The following TENM2 variants were observed in gnomAD, a reference collection of about 807,000 sequenced individuals.
TENM2 encodes the protein teneurin-2.
In TENM2, 52 loss-of-function variants were observed where a neutral mutation model predicts 245.2. The ratio of observed to expected loss-of-function variants is 0.21; its 90% CI spans 0.17 to 0.27. The LOEUF (loss-of-function observed/expected upper bound fraction) is 0.27, where lower values mean the gene tolerates loss of function less well. Among genes scored for constraint, TENM2 ranks in the 10% least tolerant of loss-of-function variants. The probability of loss-of-function intolerance (pLI) is 1.00; values close to 1 mark genes in which losing one functional copy is unlikely to be tolerated. For missense variants in TENM2, 3,046 were observed against 3,666.8 expected (o/e 0.83, Z 4.37); for synonymous variants, 1,363 against 1,438.9 (o/e 0.95, Z 1.19).
At chr5:167,294,324 A>T in intron 1 of TENM2, 1 of 152,178 alleles carries the variant, frequency 6.6e-6, no homozygotes, top group Non-Finnish European at 1.5e-5. Flanking sequence ...CAGTCTTGAA[A>T]TTCTGGAGAG....
intron 2 of TENM2, among the ~76,000 whole-genome samples, chr5:167,723,893 T>C (rs1367737063): frequency 6.6e-6 from 1 of 152,202 alleles, no homozygotes; most frequent in African/African-American, 2.4e-5. Context: ...TGCACTCTGC[T>C]AAGGAACGTG....
intron 3 of TENM2, among the ~76,000 whole-genome samples, chr5:167,891,051 G>T (rs930405823): frequency 6.6e-6 from 1 of 151,992 alleles, no homozygotes; most frequent in Non-Finnish European, 1.5e-5. Flanking sequence ...CACTATCAAG[G>T]TCTTTTTAAA....
chr5:167,091,547 A>G, the TENM2 span, among the ~76,000 whole-genome samples: 231 of 152,334 alleles, frequency 1.5e-3, 2 homozygotes, highest in East Asian at 0.038. Flanking sequence ...TTGGAGAAGA[A>G]CTTAGAATAA....
At chr5:167,034,556 A>G in the TENM2 span, among the ~76,000 whole-genome samples, 8 of 141,578 alleles carry the variant, frequency 5.7e-5, no homozygotes, top group African/African-American at 7.8e-5. Flanking sequence ...CGTGAACCCG[A>G]GAGGCGGAGC....
chr5:167,311,486 T>G (rs1055801637), intron 1 of TENM2, among the ~76,000 whole-genome samples: 1 of 152,220 alleles, frequency 6.6e-6, no homozygotes, highest in African/African-American at 2.4e-5. Flanking sequence ...ATGCTTTCCT[T>G]AAATTGTTCT....
chr5:167,681,217 T>G (rs1227035351), intron 2 of TENM2, among the ~76,000 whole-genome samples: 2 of 152,214 alleles, frequency 1.3e-5, no homozygotes, highest in Admixed American at 6.5e-5. Context: ...AGCATCTATA[T>G]GCACACGGAC....
chr5:167,292,053 T>A (rs1295335227), intron 1 of TENM2, among the ~76,000 whole-genome samples: 1 of 152,138 alleles, frequency 6.6e-6, no homozygotes, highest in African/African-American at 2.4e-5. Flanking sequence ...CTGCCCTTCA[T>A]AAAACCATCA....
intron 24 of TENM2, among the ~76,000 whole-genome samples, chr5:168,227,019 T>C (rs1438917638): frequency 6.6e-6 from 1 of 152,320 alleles, no homozygotes; most frequent in South Asian, 2.1e-4. Context: ...TGATTAATGA[T>C]GTAGATTCTG....
At chr5:167,671,357 A>G (rs1229159066) in intron 2 of TENM2, among the ~76,000 whole-genome samples, 1 of 152,104 alleles carries the variant, frequency 6.6e-6, no homozygotes, top group East Asian at 1.9e-4. Flanking sequence ...AGTCACTCAC[A>G]CTATTATTTT....
chr5:167,187,727 A>G, the TENM2 span, among the ~76,000 whole-genome samples: 1 of 152,054 alleles, frequency 6.6e-6, no homozygotes, highest in Non-Finnish European at 1.5e-5. Flanking sequence ...TGAATTGAAA[A>G]GTTAGCAGCA....
chr5:168,012,774 GAA>G (rs3056563), intron 5 of TENM2, among the ~76,000 whole-genome samples: 9,504 of 74,092 alleles, frequency 0.13, 322 homozygotes, highest in African/African-American at 0.14. Context: ...AAGAACAACT[GAA>G]AAAAAAAAAA....
intron 2 of TENM2, among the ~76,000 whole-genome samples, chr5:167,431,940 C>T (rs376482302): frequency 8.1e-4 from 53 of 65,834 alleles, no homozygotes; most frequent in Non-Finnish European, 1.5e-3. Context: ...TATATATATA[C>T]ATATATATGT....
At chr5:167,021,681 A>G in the TENM2 span, among the ~76,000 whole-genome samples, 2 of 152,138 alleles carry the variant, frequency 1.3e-5, no homozygotes, top group East Asian at 3.9e-4. Context: ...GTTCTGTAAA[A>G]CTGATGGATG....
chr5:167,544,476 G>T (rs1772422034), intron 2 of TENM2, among the ~76,000 whole-genome samples: 1 of 152,178 alleles, frequency 6.6e-6, no homozygotes, highest in African/African-American at 2.4e-5. Context: ...TTTCAATTGT[G>T]TAAAGGGATG....
chr5:167,702,105 T>C (rs911186371), intron 2 of TENM2, among the ~76,000 whole-genome samples: 2 of 152,162 alleles, frequency 1.3e-5, no homozygotes, highest in African/African-American at 4.8e-5. Flanking sequence ...AAAAGGATTA[T>C]TGACATCTTT....
chr5:167,310,395 T>A (rs1490724290), intron 1 of TENM2, among the ~76,000 whole-genome samples: 1 of 152,196 alleles, frequency 6.6e-6, no homozygotes, highest in Non-Finnish European at 1.5e-5. Context: ...TTTACAAACA[T>A]TTGTAGAAAG....
At chr5:167,105,887 CAAAAAAAAAAAAAAAAAAAAAAA>C in the TENM2 span, among the ~76,000 whole-genome samples, 26 of 48,834 alleles carry the variant, frequency 5.3e-4, no homozygotes, top group South Asian at 1.5e-3. Flanking sequence ...GACTCCGTCT[CAAAAAAAAAAAAAAAAAAAAAAA>C]AAAAAAAAAA....
intron 2 of TENM2, among the ~76,000 whole-genome samples, chr5:167,709,577 A>G (rs1303639003): frequency 6.6e-6 from 1 of 152,244 alleles, no homozygotes; most frequent in African/African-American, 2.4e-5. Context: ...CTCTTGCAAC[A>G]GGGCAGCAGG....
chr5:167,690,966 TGTGTAG>T (rs1757397956), intron 2 of TENM2, among the ~76,000 whole-genome samples: 2 of 145,340 alleles, frequency 1.4e-5, no homozygotes, highest in African/African-American at 2.6e-5. Context: ...TGTGTGTGTG[TGTGTAG>T]AGAGAGAGAG....
Sources: allele counts gnomAD v4.1 joint callset (sites outside exome capture counted in the v4.1 genomes callset), GRCh38; gene constraint gnomAD v4.1.1; transcripts MANE v1.5; gene names NCBI Gene and HGNC (gene_info 2026-07-23, HGNC 2026-07-21).